STX18: variants seen among roughly 807,000 people sequenced by gnomAD.
The protein encoded by STX18 is syntaxin 18, also known as syntaxin-18.
In STX18, 40 loss-of-function variants were observed where a neutral mutation model predicts 50.1. That is an observed-to-expected ratio of 0.80 (90% CI 0.62 to 1.04). The LOEUF (loss-of-function observed/expected upper bound fraction) is 1.04, where lower values mean the gene tolerates loss of function less well. STX18 is among the 50% of genes least tolerant of loss of function. The pLI, the probability that STX18 is intolerant of heterozygous loss-of-function variation, is 0.00. For missense variants in STX18, 410 were observed against 415.8 expected, an observed-to-expected ratio of 0.99 and a Z score of 0.12; for synonymous variants, 158 against 151.8, an observed-to-expected ratio of 1.04 and a Z score of -0.30.
chr4:4,533,649 C>T (rs7691625), intron 1 of STX18, among the ~76,000 whole-genome samples: 30,109 of 152,132 alleles, frequency 0.2, 3,080 homozygotes, highest in African/African-American at 0.25. Context: ...TAACAGATGG[C>T]TCTAGCCTCA....
chr4:4,534,280 TTGG>T (rs1731234886), intron 1 of STX18, among the ~76,000 whole-genome samples: 2 of 152,242 alleles, frequency 1.3e-5, no homozygotes, highest in African/African-American at 4.8e-5. Flanking sequence ...CATGGGCTCC[TTGG>T]ATCTATTCTC....
chr4:4,540,021 A>G lies in STX18; in HGVS notation c.168+1776T>C, dbSNP rs376267111. Among the ~76,000 whole-genome samples the G allele has an allele frequency of 2.6e-5, 4 of 152,298 alleles. No individual in the cohort carries two copies. The East Asian group carries it at 7.7e-4, about 29-fold the overall frequency. On this transcript the variant is annotated intron_variant, in intron 1 of 10. Transcript: ENST00000306200. ...GATATTCATACCACAGTTCTACAAA[A>G]GGAATCTCAAGAAGTGCTTGGGCCA...
Position 4,541,835 on chromosome 4 carries a change from G to T in STX18, c.130C>A (p.Arg44=), listed in dbSNP as rs1457386891. 5 of 1,610,174 alleles carry T rather than the reference G, an allele frequency of 3.1e-6. No homozygotes were observed. Among genetic ancestry groups the T allele is most frequent in the Non-Finnish European group, 3.4e-6 (4 of 1,178,640 alleles). ...CGGCTGGAGAAGTCGCCCTTGGGCC[G>T]GGGGCTCCGGCGGAACAGCTCGTCC... The part of the protein sequence containing the change: ...SRDELFRRSP[R]PKGDFSSRAR... Residue 44 remains arginine (R), a synonymous_variant, in exon 1 of 11, where the codon CGG becomes AGG. Transcript: ENST00000306200.
intron 5 of STX18, among the ~76,000 whole-genome samples, chr4:4,448,116 T>G (rs765069097): frequency 2.6e-5 from 4 of 152,160 alleles, no homozygotes; most frequent in Non-Finnish European, 5.9e-5. Flanking sequence ...GCTTTCTCCT[T>G]GGCCACACTG....
At chr4:4,452,334 T>C (rs1240089050) in intron 5 of STX18, among the ~76,000 whole-genome samples, 1 of 152,206 alleles carries the variant, frequency 6.6e-6, no homozygotes, top group Non-Finnish European at 1.5e-5. Flanking sequence ...CTCAGATAAT[T>C]GATCAAAGTG....
chr4:4,463,305 T>C (rs573261601), intron 2 of STX18, among the ~76,000 whole-genome samples: 2 of 152,382 alleles, frequency 1.3e-5, no homozygotes, highest in South Asian at 4.1e-4. Context: ...AATAAAACTT[T>C]ATTATGGGCA....
At chr4:4,435,953 G>A (rs924939875) in intron 6 of STX18, among the ~76,000 whole-genome samples, 1 of 152,160 alleles carries the variant, frequency 6.6e-6, no homozygotes, top group African/African-American at 2.4e-5. Flanking sequence ...GATCCTCGGG[G>A]GAGACTGTAA....
intron 1 of STX18, among the ~76,000 whole-genome samples, chr4:4,506,768 A>G (rs1208782270): frequency 1.3e-5 from 2 of 152,234 alleles, no homozygotes; most frequent in Non-Finnish European, 2.9e-5. Flanking sequence ...CAATAATAAT[A>G]AAATAGAAGA....
At chr4:4,465,417 A>G (rs1459098489) in intron 2 of STX18, among the ~76,000 whole-genome samples, 1 of 152,254 alleles carries the variant, frequency 6.6e-6, no homozygotes, top group Non-Finnish European at 1.5e-5. Context: ...ATGGAATACT[A>G]TGCAGCCATA....
intron 2 of STX18, among the ~76,000 whole-genome samples, chr4:4,461,686 G>A (rs10001717): frequency 1.2e-4 from 19 of 152,210 alleles, no homozygotes; most frequent in African/African-American, 4.6e-4. Flanking sequence ...CTTTGGGAGG[G>A]AGAACTTGAT....
At chr4:4,529,180 G>A (rs552401623) in intron 1 of STX18, among the ~76,000 whole-genome samples, 2 of 152,186 alleles carry the variant, frequency 1.3e-5, no homozygotes, top group African/African-American at 2.4e-5. Flanking sequence ...TGGCTAACAC[G>A]GTGAAACCCT....
At chr4:4,421,634 C>G (rs1724973418) in intron 9 of STX18, among the ~76,000 whole-genome samples, 1 of 152,182 alleles carries the variant, frequency 6.6e-6, no homozygotes, top group Non-Finnish European at 1.5e-5. Context: ...GGACAAAAAC[C>G]TAAGAGCTAT....
chr4:4,439,360 A>AC (rs1430144901), intron 5 of STX18, among the ~76,000 whole-genome samples: 1 of 127,764 alleles, frequency 7.8e-6, no homozygotes, highest in African/African-American at 3.0e-5. Context: ...ACATATATAT[A>AC]CCCCCCACTC....
chr4:4,538,115 A>C (rs1408284117), intron 1 of STX18, among the ~76,000 whole-genome samples: 5 of 151,472 alleles, frequency 3.3e-5, no homozygotes, highest in African/African-American at 4.9e-5. Context: ...AAAAAAAAAA[A>C]CCACAAACAA....
intron 1 of STX18, chr4:4,507,115 T>C (rs1039114693): frequency 3.6e-6 from 2 of 555,636 alleles, no homozygotes; most frequent in East Asian, 4.6e-5. Context: ...TGAAGCCCAA[T>C]GGCAAGAAGC....
At chr4:4,485,736 T>C (rs568645277) in intron 1 of STX18, among the ~76,000 whole-genome samples, 1 of 152,290 alleles carries the variant, frequency 6.6e-6, no homozygotes, top group East Asian at 1.9e-4. Flanking sequence ...CAAGCACACA[T>C]AGATAACCTC....
intron 9 of STX18, 45 bp downstream of exon 9, chr4:4,423,473 C>G (rs749807986): frequency 1.3e-6 from 2 of 1,583,296 alleles, no homozygotes; most frequent in Admixed American, 3.3e-5. Context: ...AAGTACATTC[C>G]CCTTTGAGTG....
intron 6 of STX18, among the ~76,000 whole-genome samples, chr4:4,435,861 C>T (rs1340701091): frequency 3.3e-5 from 5 of 152,268 alleles, no homozygotes; most frequent in African/African-American, 9.6e-5. Flanking sequence ...GGACTGCTGC[C>T]GCCCAGGATG....
Position 4,471,489 on chromosome 4 carries a change from G to A in STX18, c.236+150C>T, listed in dbSNP as rs6816884. Reference sequence around the variant, plus strand: ...GACATGGAGTACAGCAGAGCCTTTTGCTTTGAGGAGATTTTTCCACTGCCA... The same window carrying A: ...GACATGGAGTACAGCAGAGCCTTTTACTTTGAGGAGATTTTTCCACTGCCA... On this transcript the variant is annotated intron_variant, in intron 2 of 10. Coordinates refer to ENST00000306200, the MANE Select transcript of STX18 (RefSeq NM_016930.4). 0.19 allele frequency: 99,209 copies of A among 534,432 alleles called. 10,584 individuals carry two copies. The highest frequency in any genetic ancestry group is 0.37 in the African/African-American group (18,860 of 51,190). The allele number at this position is 534,432 out of a possible 1,614,324, so 33.1% of individuals were successfully genotyped here.
Sources: allele counts gnomAD v4.1 joint callset (sites outside exome capture counted in the v4.1 genomes callset), GRCh38; gene constraint gnomAD v4.1.1; transcripts MANE v1.5; gene names NCBI Gene and HGNC (gene_info 2026-07-23, HGNC 2026-07-21).